Variants in LAT2 observed in about 807,000 individuals in gnomAD.
LAT2 encodes linker for activation of T-cells family member 2.
A neutral mutation model predicts 43.4 loss-of-function variants in LAT2; 23 were observed. The observed-to-expected ratio is 0.53, with a 90% CI of 0.38 to 0.75. LAT2 has a LOEUF of 0.75. Ranked by LOEUF, LAT2 falls within the 30% of genes least tolerant of loss-of-function variation. The pLI is 0.00. For synonymous variants in LAT2, 128 were observed against 123.2 expected (o/e 1.04, Z -0.26); for missense variants, 284 against 310.2 (o/e 0.92, Z 0.64).
chr7:74,220,921 G>T lies in LAT2; in HGVS notation c.332+187G>T, dbSNP rs1174598662. ...TTCTCCTGGCAGGCAGGCATTGGGC[G>T]ACACTGTTGTCTCTTAGGTAACCCT... On this transcript the variant is annotated intron_variant, in intron 9 of 13. Transcript: ENST00000460943. This position sits in a 1 kb window ranked among gnomAD's most constrained non-coding sequence, Gnocchi z 4.5. Among the ~76,000 whole-genome samples the T allele has an allele frequency of 6.6e-6, 1 of 152,132 alleles. No individual in the cohort carries two copies. Among genetic ancestry groups the T allele is most frequent in the African/African-American group, 2.4e-5 (1 of 41,430 alleles).
intron 4 of LAT2, 149 bp from the exon 5 acceptor site, chr7:74,219,595 G>T: frequency 3.2e-6 from 3 of 944,064 alleles, no homozygotes; most frequent in Middle Eastern, 6.1e-4. Context: ...TGAGAATGAG[G>T]CCTGAAAGGG....
intron 1 of LAT2, among the ~76,000 whole-genome samples, chr7:74,212,528 C>A (rs1251183049): frequency 6.6e-6 from 1 of 152,200 alleles, no homozygotes; most frequent in South Asian, 2.1e-4. Flanking sequence ...CCTGTCTCAG[C>A]CTCCCAAAGT....
intron 1 of LAT2, among the ~76,000 whole-genome samples, chr7:74,213,611 G>C (rs1214996999): frequency 6.6e-6 from 1 of 151,330 alleles, no homozygotes; most frequent in Non-Finnish European, 1.5e-5. Flanking sequence ...TTTTAGTAGA[G>C]ATGGGGTTTC....
chr7:74,218,997 C>G (rs1379706255), intron 4 of LAT2, among the ~76,000 whole-genome samples: 2 of 122,252 alleles, frequency 1.6e-5, no homozygotes, highest in Non-Finnish European at 3.2e-5. Flanking sequence ...CATGCCGGGT[C>G]TAGAGTGTGT....
At chr7:74,225,437 C>G (rs574555174) in intron 13 of LAT2, 1 of 152,434 alleles carries the variant, frequency 6.6e-6, no homozygotes, top group South Asian at 2.1e-4. Context: ...CTCAGCCCAG[C>G]AGGCACTCGG....
rs782154494 is a variant in LAT2, at chr7:74,219,964, C to T, written c.183C>T (p.Val61=). Residue 61 remains valine (V), a synonymous_variant, in exon 6 of 14, where the codon GTC becomes GTT. Coordinates refer to ENST00000460943, the MANE Select transcript of LAT2 (RefSeq NM_032464.3). ...SFTGSRTYSL[V]GQAWPGPLAD... ...CCCACTTCTTGCCCTTTGTAGTGGT[C>T]GGGCAGGCATGGCCAGGACCCCTGG... The T allele has an allele frequency of 5.0e-6, 8 of 1,613,524 alleles. No individual in the cohort carries two copies. The East Asian group carries it at 1.1e-4, about 22-fold the overall frequency.
intron 9 of LAT2, 51 bp from the exon 10 acceptor site, chr7:74,221,586 C>A: frequency 6.6e-7 from 1 of 1,523,316 alleles, no homozygotes; most frequent in Non-Finnish European, 9.1e-7. Flanking sequence ...AGCCCCCAAC[C>A]CGATCTCCAG....
At position 74,223,743 on chromosome 7, in the gene LAT2, C is replaced by A; in HGVS notation, c.408C>A (p.Tyr136Ter). Reference sequence around the variant, plus strand: ...CTGCAGATGATGATGCCAATTCCTACGAGAATGTGCTCATTTGCAAGCAGA... The same window carrying A: ...CTGCAGATGATGATGCCAATTCCTAAGAGAATGTGCTCATTTGCAAGCAGA... ...KPPEDDDANSYENVLICKQKT... is the reference protein window; with the variant it reads ...KPPEDDDANS Residue 136 changes from tyrosine (Y) to a stop codon, truncating the protein, a stop_gained, in exon 11 of 14, where the codon TAC becomes TAA. Transcript: ENST00000460943. LOFTEE classifies it high-confidence loss of function. The A allele has an allele frequency of 6.2e-7, 1 of 1,613,954 alleles. No homozygotes were observed. The highest frequency in any genetic ancestry group is 8.5e-7 in the Non-Finnish European group (1 of 1,179,954).
intron 10 of LAT2, 151 bp downstream of exon 10, chr7:74,221,843 G>C (rs1330483238): frequency 1.6e-6 from 1 of 630,404 alleles, no homozygotes; most frequent in South Asian, 1.9e-5. Context: ...TGCTGCAGGC[G>C]GGGGCCAAGA....
chr7:74,224,123 A>G lies in LAT2; in HGVS notation c.554A>G (p.Glu185Gly). The stretch of plus-strand genomic sequence containing the variant: ...GGTCTCTGTCCCTCTGCCTCCCCGG[A>G]AGAAGATGAGGAATCTGAGGATTAT... ...TSGLCPSASPEEDEESEDYQN... is the reference protein window; with the variant it reads ...TSGLCPSASPGEDEESEDYQN... Residue 185 changes from glutamate to glycine, a missense_variant, in exon 12 of 14, where the codon GAA becomes GGA. Coordinates refer to ENST00000460943, the MANE Select transcript of LAT2 (RefSeq NM_032464.3). 2 of 1,614,056 alleles carry G rather than the reference A, an allele frequency of 1.2e-6. No homozygotes were observed. Among genetic ancestry groups the G allele is most frequent in the Non-Finnish European group, 1.7e-6 (2 of 1,179,982 alleles).
intron 13 of LAT2, among the ~76,000 whole-genome samples, chr7:74,226,963 C>T (rs564702610): frequency 2.8e-5 from 4 of 144,458 alleles, no homozygotes; most frequent in South Asian, 2.5e-4. Flanking sequence ...AGGTCGAGGC[C>T]GTTGGTGGGG....
chr7:74,220,019 G>C lies in LAT2; in HGVS notation c.227+11G>C, dbSNP rs782428140. 2 of 1,613,302 alleles carry C rather than the reference G, an allele frequency of 1.2e-6. No homozygotes were observed. The highest frequency in any genetic ancestry group is 4.5e-5 in the East Asian group (2 of 44,858). On this transcript the variant is annotated intron_variant, in intron 6 of 13. Coordinates refer to ENST00000460943, the MANE Select transcript of LAT2 (RefSeq NM_032464.3). The surrounding 1 kb of genome is among the most constrained non-coding windows in gnomAD (Gnocchi z 4.5). Reference sequence around the variant, plus strand: ...CATGGCACCCACAAGGTAGGTCACAGTCCCCCAGGAAGTGACAAGAATGAA... The same window carrying C: ...CATGGCACCCACAAGGTAGGTCACACTCCCCCAGGAAGTGACAAGAATGAA...
intron 4 of LAT2, among the ~76,000 whole-genome samples, chr7:74,217,080 G>A (rs1319148323): frequency 6.6e-6 from 1 of 152,114 alleles, no homozygotes; most frequent in Non-Finnish European, 1.5e-5. Flanking sequence ...TTGGGAGGCG[G>A]GGACGCCTGG....
rs1584228281 is a variant in LAT2 at position 74,224,850 on chromosome 7, T to G, written c.*18+90T>G. ...CCCAATCCAAGGGAACAGCCGAGAG[T>G]GTGGGTGGAGGGGCCATGGTGGGGG... On this transcript the variant is annotated intron_variant, in intron 13 of 13. Coordinates refer to ENST00000460943, the MANE Select transcript of LAT2 (RefSeq NM_032464.3). The G allele has an allele frequency of 5.0e-6, 5 of 1,001,254 alleles. No homozygotes were observed. In the East Asian group the frequency reaches 1.4e-4, roughly 27 times the overall value. 62.0% of individuals were successfully genotyped at this position (1,001,254 alleles called of 1,614,324 possible).
chr7:74,215,888 G>T, intron 2 of LAT2, 59 bp from the exon 3 acceptor site: 1 of 1,154,318 alleles, frequency 8.7e-7, no homozygotes, highest in Non-Finnish European at 1.3e-6. Context: ...GCACAGTGGG[G>T]GTGTGGGGTA....
chr7:74,228,629 C>CA (rs1201432512), intron 13 of LAT2, among the ~76,000 whole-genome samples: 9,707 of 78,032 alleles, frequency 0.12, 407 homozygotes, highest in Middle Eastern at 0.16. Context: ...ACTAAAAATA[C>CA]AAAAAAAAAA....
At chr7:74,219,558 A>G (rs1203297976) in intron 4 of LAT2, among the ~76,000 whole-genome samples, 186 bp from the exon 5 acceptor site, 1 of 152,228 alleles carries the variant, frequency 6.6e-6, no homozygotes, top group Non-Finnish European at 1.5e-5. Flanking sequence ...CGGAGGGGCC[A>G]GAGAATGGGG....
At chr7:74,221,210 G>T (rs1388199784) in intron 9 of LAT2, among the ~76,000 whole-genome samples, 1 of 152,040 alleles carries the variant, frequency 6.6e-6, no homozygotes, top group Non-Finnish European at 1.5e-5. Context: ...GAGGCCAGGA[G>T]TTCAAGACCA....
At chr7:74,211,954 T>C (rs1007344480) in intron 1 of LAT2, among the ~76,000 whole-genome samples, 9 of 152,066 alleles carry the variant, frequency 5.9e-5, no homozygotes, top group African/African-American at 2.2e-4. Flanking sequence ...TTTCATTTTT[T>C]GTTTTTAGAG....
Sources: allele counts gnomAD v4.1 joint callset (sites outside exome capture counted in the v4.1 genomes callset), GRCh38; gene constraint gnomAD v4.1.1; non-coding constraint Gnocchi (gnomAD v3.1); transcripts MANE v1.5; gene names NCBI Gene and HGNC (gene_info 2026-07-23, HGNC 2026-07-21).